MEGF11: variants seen among roughly 807,000 people sequenced by gnomAD.
The protein encoded by MEGF11 is multiple epidermal growth factor-like domains protein 11.
MEGF11 carries 126 observed loss-of-function variants against 146.6 expected under a neutral mutation model. The ratio of observed to expected loss-of-function variants is 0.86; its 90% CI spans 0.74 to 1.00. MEGF11 has a LOEUF of 1.00. Ranked by LOEUF, MEGF11 falls within the 50% of genes least tolerant of loss-of-function variation. The pLI is 0.00. For synonymous variants in MEGF11, 532 were observed against 583.4 expected (o/e 0.91, Z 1.27); for missense variants, 1,509 against 1,521.2 (o/e 0.99, Z 0.13).
chr15:65,929,959 G>C, intron 11 of MEGF11, 76 bp from the exon 12 acceptor site: 1 of 1,394,170 alleles, frequency 7.2e-7, no homozygotes, highest in Non-Finnish European at 9.8e-7. Context: ...CCCCAGCTCT[G>C]CACACAGCAT....
At chr15:66,089,223 A>G (rs1014485550) in intron 5 of MEGF11, among the ~76,000 whole-genome samples, 1 of 152,214 alleles carries the variant, frequency 6.6e-6, no homozygotes, top group African/African-American at 2.4e-5. Flanking sequence ...ACAGCTGGTG[A>G]TGGGCCAGCT....
intron 5 of MEGF11, among the ~76,000 whole-genome samples, chr15:66,063,262 GAGC>G (rs1295449952): frequency 2.0e-5 from 3 of 152,196 alleles, no homozygotes; most frequent in African/African-American, 7.2e-5. Flanking sequence ...GGAGGCTTTT[GAGC>G]AGAAGAGGGA....
At chr15:66,122,463 A>G (rs560605945) in intron 3 of MEGF11, among the ~76,000 whole-genome samples, 3 of 152,288 alleles carry the variant, frequency 2.0e-5, no homozygotes, top group Non-Finnish European at 4.4e-5. Context: ...TTTCTCATCT[A>G]TGTTGCCGCC....
chr15:65,917,658 C>T (rs1465804081), intron 16 of MEGF11, among the ~76,000 whole-genome samples: 1 of 152,170 alleles, frequency 6.6e-6, no homozygotes, highest in Non-Finnish European at 1.5e-5. Flanking sequence ...GCTGTTGCAC[C>T]ACCTCTTCCC....
chr15:65,922,415 T>C lies in MEGF11; in HGVS notation c.1880A>G (p.His627Arg), dbSNP rs1244790767. The C allele has an allele frequency of 5.0e-6, 8 of 1,593,562 alleles. 1 individual carries two copies. The South Asian group carries it at 8.0e-5, about 16-fold the overall frequency. ...GATGTGGTGGCAGGGCCTGCTGCTG[T>C]GCACGCAGAGGGGGCATGGCTGGGC... is the stretch of plus-strand genomic sequence containing the variant. The part of the protein sequence containing the change: ...GCAQPCPLCV[H>R]SSRPCHHISG... Residue 627 changes from histidine (H) to arginine (R), a missense_variant, in exon 15 of 26, where the codon CAC becomes CGC. His to Arg is a conservative substitution (Grantham distance 29). Coordinates refer to ENST00000395614, the MANE Select transcript of MEGF11 (RefSeq NM_001385028.1).
chr15:65,920,080 G>A (rs1057241337), intron 15 of MEGF11, among the ~76,000 whole-genome samples: 10 of 152,176 alleles, frequency 6.6e-5, no homozygotes, highest in African/African-American at 2.4e-4. Flanking sequence ...GAGAAACTGA[G>A]GCAGGTTAAG....
At chr15:65,956,252 C>T (rs1237181608) in intron 10 of MEGF11, among the ~76,000 whole-genome samples, 1 of 152,186 alleles carries the variant, frequency 6.6e-6, no homozygotes, top group African/African-American at 2.4e-5. Flanking sequence ...GACCACTGAC[C>T]AGCATTATTG....
At chr15:66,047,497 A>G (rs2084257718) in intron 5 of MEGF11, among the ~76,000 whole-genome samples, 1 of 152,234 alleles carries the variant, frequency 6.6e-6, no homozygotes, top group Non-Finnish European at 1.5e-5. Context: ...ACACACCTAC[A>G]GCACTGGGAA....
chr15:65,909,930 G>A (rs759957327), intron 21 of MEGF11, 124 bp from the exon 22 acceptor site: 21 of 848,376 alleles, frequency 2.5e-5, no homozygotes, highest in African/African-American at 1.5e-4. Flanking sequence ...GTCCTAGGCC[G>A]TTGAGAGAAA....
At chr15:65,930,781 G>A (rs2079548801) in intron 11 of MEGF11, 42 bp downstream of exon 11, 1 of 1,553,152 alleles carries the variant, frequency 6.4e-7, no homozygotes, top group African/African-American at 1.4e-5. Context: ...TGGGGAATGT[G>A]CTCATATGTC....
chr15:66,025,633 G>C (rs28459607), intron 5 of MEGF11, among the ~76,000 whole-genome samples: 2,694 of 152,262 alleles, frequency 0.018, 68 homozygotes, highest in African/African-American at 0.059. Context: ...CTGCCACCCA[G>C]ATCCACTCCT....
intron 5 of MEGF11, among the ~76,000 whole-genome samples, chr15:66,093,569 A>T (rs568315904): frequency 1.3e-5 from 2 of 152,360 alleles, no homozygotes; most frequent in South Asian, 4.1e-4. Flanking sequence ...TTTGGGCTTC[A>T]ACCTTAGTCA....
chr15:65,916,296 A>G lies in MEGF11; in HGVS notation c.2216-20T>C. ...GGCAGCCTAGAGAAACAGGATTTCC[A>G]GTCACGAGAGTTGCTGCTGGGTGGG... On this transcript the variant is annotated intron_variant, in intron 17 of 25. Transcript: ENST00000395614. The G allele has an allele frequency of 6.5e-7, 1 of 1,547,094 alleles. No individual in the cohort carries two copies.
intron 10 of MEGF11, among the ~76,000 whole-genome samples, chr15:65,932,659 G>T (rs1278444067): frequency 6.6e-6 from 1 of 152,050 alleles, no homozygotes; most frequent in Non-Finnish European, 1.5e-5. Context: ...GTGGGGCTGG[G>T]AGTCTAGAAT....
rs368026492 is a variant in MEGF11 at position 66,023,225 on chromosome 15, C to T, written c.395-40737G>A. ...CCAGATGGAGATTCCACTCTTTCACCGTCCTCTGGAGAGAGGCCAGTAGCA... is the reference window on the plus strand; with the variant it reads ...CCAGATGGAGATTCCACTCTTTCACTGTCCTCTGGAGAGAGGCCAGTAGCA... On this transcript the variant is annotated intron_variant, in intron 5 of 25. Transcript: ENST00000395614. Among the ~76,000 whole-genome samples the T allele has an allele frequency of 5.3e-5, 8 of 152,000 alleles. 1 individual carries two copies. The highest frequency in any genetic ancestry group is 1.2e-4 in the African/African-American group (5 of 41,358).
chr15:66,107,061 C>CCCCT (rs1555471311), intron 4 of MEGF11, among the ~76,000 whole-genome samples: 1 of 88,496 alleles, frequency 1.1e-5, no homozygotes, highest in African/African-American at 4.7e-5. Context: ...CCTACCCCCC[C>CCCCT]ACCAGGTATA....
At chr15:66,071,519 AAG>A (rs1277294493) in intron 5 of MEGF11, among the ~76,000 whole-genome samples, 1 of 152,210 alleles carries the variant, frequency 6.6e-6, no homozygotes, top group Non-Finnish European at 1.5e-5. Flanking sequence ...TGAATTATGA[AAG>A]AGAATCGCTC....
intron 5 of MEGF11, among the ~76,000 whole-genome samples, chr15:66,082,466 AATCTATCT>A (rs200466707): frequency 0.044 from 3,212 of 72,432 alleles, 120 homozygotes; most frequent in African/African-American, 0.084. Context: ...AAAAAAAAAA[AATCTATCT>A]ATCTATCTAT....
chr15:65,933,525 C>G (rs776542452), intron 10 of MEGF11, among the ~76,000 whole-genome samples: 12 of 152,242 alleles, frequency 7.9e-5, no homozygotes, highest in Admixed American at 7.8e-4. Context: ...GACACATCTG[C>G]TCCCCACAAT....
Sources: allele counts gnomAD v4.1 joint callset (sites outside exome capture counted in the v4.1 genomes callset), GRCh38; gene constraint gnomAD v4.1.1; transcripts MANE v1.5; gene names NCBI Gene and HGNC (gene_info 2026-07-23, HGNC 2026-07-21).